Variants in HS6ST2 observed in about 807,000 individuals in gnomAD.
HS6ST2 encodes the protein heparan sulfate 6-O-sulfotransferase 2.
In HS6ST2, 17 loss-of-function variants were observed where a neutral mutation model predicts 33.0. That is an observed-to-expected ratio of 0.52 (90% confidence interval 0.35 to 0.77). The LOEUF is 0.77. Ranked by LOEUF, HS6ST2 falls within the 30% of genes least tolerant of loss-of-function variation. HS6ST2 has a pLI of 0.01. For synonymous variants in HS6ST2, 248 were observed against 237.1 expected, an observed-to-expected ratio of 1.05 and a Z score of -0.42; for missense variants, 519 against 551.7, an observed-to-expected ratio of 0.94 and a Z score of 0.59.
At chrX:132,748,998 G>A (rs1374184563) in intron 2 of HS6ST2, among the ~76,000 whole-genome samples, 2 of 111,289 alleles carry the variant, frequency 1.8e-5, no homozygotes, top group African/African-American at 6.5e-5. Flanking sequence ...TCTCTAAACC[G>A]AGATTCCCCA....
intron 2 of HS6ST2, among the ~76,000 whole-genome samples, chrX:132,717,896 T>G (rs559816772): frequency 8.9e-6 from 1 of 111,778 alleles, no homozygotes; most frequent in South Asian, 3.8e-4. Context: ...GGTATCCTTT[T>G]ATTGGAAGAG....
intron 2 of HS6ST2, among the ~76,000 whole-genome samples, chrX:132,918,988 T>C (rs1250475324): frequency 8.9e-6 from 1 of 112,214 alleles, no homozygotes; most frequent in African/African-American, 3.2e-5. Context: ...TGTTTGATGA[T>C]GACTTTACAA....
chrX:132,657,821 A>AT (rs1400656264), intron 4 of HS6ST2, among the ~76,000 whole-genome samples: 7 of 106,486 alleles, frequency 6.6e-5, no homozygotes, highest in East Asian at 3.1e-4. Flanking sequence ...CCAACCTAAG[A>AT]TTTTTCTGAC....
intron 2 of HS6ST2, among the ~76,000 whole-genome samples, chrX:132,915,639 G>A (rs1221201368): frequency 2.7e-5 from 3 of 111,115 alleles, no homozygotes; most frequent in African/African-American, 9.8e-5. Flanking sequence ...CACCTAACAA[G>A]CTGTGGTAAA....
chrX:132,956,241 CGA>C (rs1205108001), intron 2 of HS6ST2, among the ~76,000 whole-genome samples: 1 of 108,731 alleles, frequency 9.2e-6, no homozygotes, highest in Non-Finnish European at 1.9e-5. Flanking sequence ...AGAATAAAAG[CGA>C]GAGAGGGGAA....
intron 2 of HS6ST2, among the ~76,000 whole-genome samples, chrX:132,742,949 G>T (rs996677950): frequency 8.9e-6 from 1 of 111,886 alleles, no homozygotes; most frequent in Admixed American, 9.5e-5. Flanking sequence ...TATAGGTGCA[G>T]CAGGTAGGGT....
chrX:132,729,176 A>G (rs906406996), intron 2 of HS6ST2, among the ~76,000 whole-genome samples: 4 of 112,719 alleles, frequency 3.5e-5, no homozygotes, highest in Non-Finnish European at 5.6e-5. Flanking sequence ...TAGGATCTCA[A>G]TCAGCTTCCA....
chrX:132,815,253 C>T (rs1302645449), intron 2 of HS6ST2, among the ~76,000 whole-genome samples: 1 of 112,321 alleles, frequency 8.9e-6, no homozygotes, highest in Non-Finnish European at 1.9e-5. Context: ...TATTTAATAA[C>T]TAGGTAATGA....
intron 2 of HS6ST2, among the ~76,000 whole-genome samples, chrX:132,798,619 A>G (rs2148350947): frequency 8.9e-6 from 1 of 112,080 alleles, no homozygotes; most frequent in East Asian, 2.8e-4. Flanking sequence ...TTTTAAAGGG[A>G]AAAAAGGCTC....
intron 2 of HS6ST2, among the ~76,000 whole-genome samples, chrX:132,820,341 C>T (rs888299760): frequency 9.0e-6 from 1 of 111,527 alleles, no homozygotes; most frequent in Non-Finnish European, 1.9e-5. Flanking sequence ...GCAATCACCC[C>T]TATTTCAAAA....
intron 2 of HS6ST2, among the ~76,000 whole-genome samples, chrX:132,834,057 AGCTCTCT>A (rs2065618392): frequency 9.0e-6 from 1 of 111,141 alleles, no homozygotes; most frequent in Admixed American, 9.7e-5. Context: ...AAGGTCACAC[AGCTCTCT>A]GCAACCCCAT....
At position 132,806,141 on chromosome X, in the gene HS6ST2, C is replaced by A. The variant is rs150457188; in HGVS notation, c.948-97647G>T. Among the ~76,000 whole-genome samples, 11 of 110,380 alleles carry A rather than the reference C, an allele frequency of 1.0e-4. 1 individual carries two copies. The highest frequency in any genetic ancestry group is 3.6e-4 in the African/African-American group (11 of 30,785). On this transcript the variant is annotated intron_variant, in intron 2 of 4. Coordinates refer to ENST00000370833, the MANE Select transcript of HS6ST2 (RefSeq NM_001394073.1). ...CACTAACACAAGCAATTCAATTCAT[C>A]TTACAAGGAGAAACTAACATCCATT...
At chrX:132,908,991 G>GAAA (rs397975321) in intron 2 of HS6ST2, among the ~76,000 whole-genome samples, 3 of 40,844 alleles carry the variant, frequency 7.3e-5, no homozygotes, top group African/African-American at 9.3e-5. Flanking sequence ...GAACTCCACT[G>GAAA]AAAAAAAAAA....
intron 2 of HS6ST2, among the ~76,000 whole-genome samples, chrX:132,849,639 T>A (rs980219298): frequency 3.6e-5 from 4 of 112,189 alleles, no homozygotes; most frequent in African/African-American, 1.3e-4. Context: ...CATTAAAATG[T>A]CAGTAGATCT....
In HS6ST2 at chrX:132,898,938, A is replaced by G. The variant is rs188701594; in HGVS notation, c.947+57870T>C. Among the ~76,000 whole-genome samples the G allele has an allele frequency of 8.1e-5, 9 of 111,123 alleles. No homozygotes were observed. In the East Asian group the frequency reaches 1.4e-3, roughly 18 times the overall value. On this transcript the variant is annotated intron_variant, in intron 2 of 4. Coordinates refer to ENST00000370833, the MANE Select transcript of HS6ST2 (RefSeq NM_001394073.1). ...TAAAAAAAGAAAAAGTAGGAGGGCC[A>G]GTCCCCAGAAGCTCACAAAGACACA...
At chrX:132,815,579 G>T (rs1385526393) in intron 2 of HS6ST2, among the ~76,000 whole-genome samples, 3 of 112,114 alleles carry the variant, frequency 2.7e-5, no homozygotes, top group Non-Finnish European at 5.6e-5. Context: ...CAATACATGA[G>T]TTTTAATTTT....
At chrX:132,657,501 G>A (rs10482419) in intron 4 of HS6ST2, among the ~76,000 whole-genome samples, 9,419 of 110,366 alleles carry the variant, frequency 0.085, 990 homozygotes, top group African/African-American at 0.29. Context: ...CTCAGGGAAA[G>A]GGGTAAGAGT....
At position 132,627,316 on chromosome X, in the gene HS6ST2, T is replaced by C. The variant is rs1412229093; in HGVS notation, c.*907A>G. 1 of 112,297 alleles carries C rather than the reference T, an allele frequency of 8.9e-6. No homozygotes were observed. The highest frequency in any genetic ancestry group is 1.9e-5 in the Non-Finnish European group (1 of 53,171). 9.3% of individuals were successfully genotyped at this position (112,297 alleles called of 1,213,427 possible). On this transcript the variant is annotated 3_prime_UTR_variant, in exon 5 of 5. Coordinates refer to ENST00000370833, the MANE Select transcript of HS6ST2 (RefSeq NM_001394073.1). Reference sequence around the variant, plus strand: ...TTTAATCCAGGATTATATACCACAATAACTTCAGCAACACACCATTTAGAT... The same window carrying C: ...TTTAATCCAGGATTATATACCACAACAACTTCAGCAACACACCATTTAGAT...
chrX:132,915,588 T>C (rs2066578082), intron 2 of HS6ST2, among the ~76,000 whole-genome samples: 1 of 111,382 alleles, frequency 9.0e-6, no homozygotes, highest in Non-Finnish European at 1.9e-5. Flanking sequence ...ATTGTCTTAA[T>C]AATGATGATA....
Sources: gnomAD v4.1 joint callset for allele counts (sites outside exome capture counted in the v4.1 genomes callset) on GRCh38, gnomAD v4.1.1 for gene constraint, MANE v1.5 for transcripts, NCBI Gene and HGNC (gene_info 2026-07-23, HGNC 2026-07-21) for gene names.